SLC9D1: variants seen among roughly 807,000 people sequenced by gnomAD.
SLC9D1 encodes solute carrier family 9 member D1.
the SLC9D1 span, among the ~76,000 whole-genome samples, chr13:113,518,887 G>A: frequency 9.9e-5 from 15 of 152,180 alleles, no homozygotes; most frequent in South Asian, 2.1e-4. Context: ...ATTTAATTTT[G>A]TACAATAAGT....
At chr13:113,502,076 G>T in the SLC9D1 span, among the ~76,000 whole-genome samples, 1 of 152,236 alleles carries the variant, frequency 6.6e-6, no homozygotes, top group African/African-American at 2.4e-5. Flanking sequence ...AAGGGGCGGT[G>T]TTACTGGAGA....
At chr13:113,533,868 A>G in the SLC9D1 span, among the ~76,000 whole-genome samples, 1 of 152,218 alleles carries the variant, frequency 6.6e-6, no homozygotes, top group Non-Finnish European at 1.5e-5. Context: ...GCTCAACACA[A>G]CTTAATTTCT....
chr13:113,529,690 G>A, the SLC9D1 span: 2 of 151,394 alleles, frequency 1.3e-5, no homozygotes, highest in Non-Finnish European at 1.5e-5. Context: ...AGTCAGAATT[G>A]TAGACCACGT....
the SLC9D1 span, among the ~76,000 whole-genome samples, chr13:113,516,521 A>G: frequency 1.3e-5 from 2 of 150,946 alleles, no homozygotes; most frequent in Non-Finnish European, 2.9e-5. Flanking sequence ...AGCTGAGTTC[A>G]CACCACTGCA....
the SLC9D1 span, among the ~76,000 whole-genome samples, chr13:113,517,806 T>C: frequency 1.5e-3 from 232 of 151,164 alleles, 1 homozygote; most frequent in Admixed American, 1.4e-3. Flanking sequence ...AAGTGGGGAC[T>C]GTGGGTGGAG....
At chr13:113,544,191 G>GA in the SLC9D1 span, among the ~76,000 whole-genome samples, 1 of 152,290 alleles carries the variant, frequency 6.6e-6, no homozygotes, top group Admixed American at 6.5e-5. Context: ...GCCACCTGCA[G>GA]GCTGGCAGGC....
At chr13:113,496,801 A>C in the SLC9D1 span, among the ~76,000 whole-genome samples, 2 of 152,226 alleles carry the variant, frequency 1.3e-5, no homozygotes, top group African/African-American at 2.4e-5. Context: ...CAAGGTTTTC[A>C]ATAACACTGA....
chr13:113,491,628 C>T, the SLC9D1 span, among the ~76,000 whole-genome samples: 1 of 152,232 alleles, frequency 6.6e-6, no homozygotes, highest in Admixed American at 6.5e-5. Flanking sequence ...CCTGGGGTCC[C>T]GCTCCTCCAG....
chr13:113,536,237 G>T, the SLC9D1 span, among the ~76,000 whole-genome samples: 1 of 151,978 alleles, frequency 6.6e-6, no homozygotes, highest in East Asian at 1.9e-4. Context: ...AATTACCTGG[G>T]CATGGTGGCG....
chr13:113,523,591 G>A, the SLC9D1 span, among the ~76,000 whole-genome samples: 13 of 152,150 alleles, frequency 8.5e-5, no homozygotes, highest in South Asian at 2.5e-3. Context: ...TTCGTTCCTT[G>A]TTTTATTGAT....
chr13:113,491,766 GC>G, the SLC9D1 span, among the ~76,000 whole-genome samples: 1 of 152,218 alleles, frequency 6.6e-6, no homozygotes, highest in South Asian at 2.1e-4. Context: ...CCTGTCCCTG[GC>G]CCCCCTCCTG....
At chr13:113,525,236 G>C in the SLC9D1 span, among the ~76,000 whole-genome samples, 1 of 152,200 alleles carries the variant, frequency 6.6e-6, no homozygotes, top group African/African-American at 2.4e-5. Context: ...GGTCGGGTGG[G>C]ATTCTCTGGA....
At chr13:113,525,179 G>A in the SLC9D1 span, among the ~76,000 whole-genome samples, 5 of 152,190 alleles carry the variant, frequency 3.3e-5, no homozygotes, top group African/African-American at 4.8e-5. Context: ...ATAGTCACGC[G>A]CTGCATAATG....
At chr13:113,498,238 CAT>C in the SLC9D1 span, 1 of 844,706 alleles carries the variant, frequency 1.2e-6, no homozygotes, top group Admixed American at 3.3e-5. Context: ...AAGTTATTGA[CAT>C]ATGAACAGGG....
chr13:113,548,175 C>G, the SLC9D1 span: 2 of 1,029,694 alleles, frequency 1.9e-6, no homozygotes, highest in Non-Finnish European at 2.9e-6. Flanking sequence ...CTGTGCCTTT[C>G]CCTACTTGAC....
the SLC9D1 span, among the ~76,000 whole-genome samples, chr13:113,511,541 C>T: frequency 1.3e-5 from 2 of 152,358 alleles, no homozygotes; most frequent in East Asian, 1.9e-4. Flanking sequence ...TCTGCGGGGC[C>T]TGAGGCGCCA....
the SLC9D1 span, chr13:113,524,264 G>T: frequency 2.3e-6 from 1 of 429,270 alleles, no homozygotes; most frequent in Non-Finnish European, 4.6e-6. Context: ...TGTATTTTGG[G>T]GCTCTTTTGT....
chr13:113,502,339 G>A, the SLC9D1 span, among the ~76,000 whole-genome samples: 19 of 152,172 alleles, frequency 1.2e-4, no homozygotes, highest in African/African-American at 4.3e-4. Context: ...TCAGCCTCTT[G>A]AGTAGCTGGG....
At chr13:113,518,726 TC>T in the SLC9D1 span, among the ~76,000 whole-genome samples, 5 of 152,262 alleles carry the variant, frequency 3.3e-5, no homozygotes, top group African/African-American at 7.2e-5. Flanking sequence ...CTGTGAAGCC[TC>T]CGCATGGACA....
Sources: gnomAD v4.1 joint callset for allele counts (sites outside exome capture counted in the v4.1 genomes callset) on GRCh38, gnomAD v4.1.1 for gene constraint, MANE v1.5 for transcripts, NCBI Gene and HGNC (gene_info 2026-07-23, HGNC 2026-07-21) for gene names.